The following GRM7 variants were observed in gnomAD, a reference collection of about 807,000 sequenced individuals.
GRM7 encodes glutamate metabotropic receptor 7.
A neutral mutation model predicts 84.5 loss-of-function variants in GRM7; 35 were observed. The observed-to-expected ratio is 0.41, with a 90% confidence interval of 0.32 to 0.55. The LOEUF is 0.55. GRM7 is among the 20% of genes least tolerant of loss of function. GRM7 has a pLI of 0.19. For missense variants in GRM7, 1,003 were observed against 1,194.6 expected (o/e 0.84, Z 2.36); for synonymous variants, 487 against 455.1 (o/e 1.07, Z -0.89).
At chr3:7,674,832 T>G (rs1445872284) in intron 8 of GRM7, among the ~76,000 whole-genome samples, 1 of 152,216 alleles carries the variant, frequency 6.6e-6, no homozygotes, top group East Asian at 1.9e-4. Flanking sequence ...CTTAGTGTGC[T>G]TTAAGTTTGA....
chr3:7,706,991 C>A (rs1176201982), intron 9 of GRM7, among the ~76,000 whole-genome samples: 2 of 121,444 alleles, frequency 1.6e-5, no homozygotes, highest in Non-Finnish European at 3.5e-5. Context: ...CCAGTAACAT[C>A]AAAAAAAATG....
At chr3:7,467,501 G>A (rs779987470) in intron 7 of GRM7, among the ~76,000 whole-genome samples, 5 of 152,146 alleles carry the variant, frequency 3.3e-5, no homozygotes, top group Admixed American at 2.0e-4. Flanking sequence ...ATGGGTACCC[G>A]TACTACGTCT....
intron 7 of GRM7, among the ~76,000 whole-genome samples, chr3:7,565,965 A>G (rs996007422): frequency 6.6e-6 from 1 of 152,202 alleles, no homozygotes; most frequent in Admixed American, 6.5e-5. Flanking sequence ...AACTGACATA[A>G]GTTGTTGGTA....
At chr3:7,324,702 C>G (rs756962456) in intron 4 of GRM7, among the ~76,000 whole-genome samples, 1 of 152,062 alleles carries the variant, frequency 6.6e-6, no homozygotes, top group Non-Finnish European at 1.5e-5. Context: ...GGAATTCTGG[C>G]ATCTCGACTT....
chr3:7,576,995 C>T (rs904883783), intron 7 of GRM7, among the ~76,000 whole-genome samples: 1 of 152,198 alleles, frequency 6.6e-6, no homozygotes, highest in African/African-American at 2.4e-5. Context: ...CACTCAGCTT[C>T]CCTCTATGTT....
chr3:6,893,804 T>A (rs1022256510), intron 1 of GRM7: 4 of 152,164 alleles, frequency 2.6e-5, no homozygotes, highest in African/African-American at 9.7e-5. Context: ...TATAAGCTGT[T>A]GAAAAATTCA....
intron 1 of GRM7, among the ~76,000 whole-genome samples, chr3:7,083,568 A>C (rs1698341447): frequency 6.6e-6 from 1 of 152,106 alleles, no homozygotes; most frequent in African/African-American, 2.4e-5. Context: ...TGCTCTTGCT[A>C]ATTCATCACT....
At chr3:7,691,757 T>C (rs1242853989) in intron 9 of GRM7, among the ~76,000 whole-genome samples, 2 of 152,084 alleles carry the variant, frequency 1.3e-5, no homozygotes, top group Non-Finnish European at 2.9e-5. Flanking sequence ...GCCTCCTGGG[T>C]TCAAGTGATT....
chr3:7,086,243 G>A (rs1698455138), intron 1 of GRM7, among the ~76,000 whole-genome samples: 1 of 152,022 alleles, frequency 6.6e-6, no homozygotes, highest in Non-Finnish European at 1.5e-5. Flanking sequence ...TATCTAGCAT[G>A]ACCATGTCAA....
chr3:7,215,425 G>T (rs1007359530), intron 2 of GRM7, among the ~76,000 whole-genome samples: 2 of 152,072 alleles, frequency 1.3e-5, no homozygotes, highest in African/African-American at 4.8e-5. Context: ...AGCACTTTTG[G>T]AGGCGGAGGA....
At chr3:7,109,849 G>GT (rs1692783357) in intron 1 of GRM7, among the ~76,000 whole-genome samples, 2 of 151,988 alleles carry the variant, frequency 1.3e-5, no homozygotes, top group Admixed American at 1.3e-4. Context: ...ATCCATTGTT[G>GT]TGGATAGTAT....
At chr3:7,013,483 AAAC>A (rs372195647) in intron 1 of GRM7, among the ~76,000 whole-genome samples, 342 of 152,340 alleles carry the variant, frequency 2.2e-3, no homozygotes, top group African/African-American at 7.3e-3. Flanking sequence ...CTTCATGAAA[AAAC>A]AACAAGCAAA....
intron 2 of GRM7, among the ~76,000 whole-genome samples, chr3:7,199,000 A>G (rs939556181): frequency 6.6e-6 from 1 of 152,186 alleles, no homozygotes; most frequent in African/African-American, 2.4e-5. Context: ...TTCTGTTATT[A>G]AAGTGGACTG....
At chr3:6,889,622 G>A (rs928169163) in intron 1 of GRM7, among the ~76,000 whole-genome samples, 6 of 152,166 alleles carry the variant, frequency 3.9e-5, no homozygotes, top group African/African-American at 7.2e-5. Flanking sequence ...TGTGCTGCTG[G>A]ATTTGGTTTG....
intron 1 of GRM7, among the ~76,000 whole-genome samples, chr3:6,935,326 T>C (rs1253422105): frequency 1.3e-5 from 2 of 152,104 alleles, no homozygotes; most frequent in East Asian, 1.9e-4. Flanking sequence ...TGAATGAAAA[T>C]TCAGTTTATT....
chr3:7,297,407 G>A (rs1008207935), intron 2 of GRM7, among the ~76,000 whole-genome samples: 2 of 152,066 alleles, frequency 1.3e-5, no homozygotes, highest in Non-Finnish European at 2.9e-5. Flanking sequence ...TCAAAATATG[G>A]TCTATCTTAA....
At chr3:7,111,183 G>T (rs1287203648) in intron 1 of GRM7, among the ~76,000 whole-genome samples, 1 of 151,928 alleles carries the variant, frequency 6.6e-6, no homozygotes, top group Non-Finnish European at 1.5e-5. Context: ...GTGCTGGTAT[G>T]TCCATACTCA....
chr3:6,903,028 T>G (rs181520898), intron 1 of GRM7, among the ~76,000 whole-genome samples: 1 of 152,268 alleles, frequency 6.6e-6, no homozygotes, highest in African/African-American at 2.4e-5. Flanking sequence ...TTCTATTTGC[T>G]TTCTTTGCAT....
intron 7 of GRM7, among the ~76,000 whole-genome samples, chr3:7,551,067 C>A (rs1160162620): frequency 6.6e-6 from 1 of 152,078 alleles, no homozygotes; most frequent in Non-Finnish European, 1.5e-5. Context: ...GAAAAATACT[C>A]CATCAATTTT....
Sources: allele counts gnomAD v4.1 joint callset (sites outside exome capture counted in the v4.1 genomes callset), GRCh38; gene constraint gnomAD v4.1.1; transcripts MANE v1.5; gene names NCBI Gene and HGNC (gene_info 2026-07-23, HGNC 2026-07-21).